The following PRKCB variants were observed in gnomAD, a reference collection of about 807,000 sequenced individuals.
PRKCB encodes protein kinase C beta.
Under a neutral mutation model 81.5 loss-of-function variants are expected in PRKCB, and 13 were observed. The ratio of observed to expected loss-of-function variants is 0.16; its 90% CI spans 0.10 to 0.25. PRKCB has a LOEUF of 0.25. Among genes scored for constraint, PRKCB ranks in the 10% least tolerant of loss-of-function variants. The pLI is 1.00. For synonymous variants in PRKCB, 335 were observed against 321.4 expected, an observed-to-expected ratio of 1.04 and a Z score of -0.45; for missense variants, 509 against 875.7, an observed-to-expected ratio of 0.58 and a Z score of 5.29.
intron 2 of PRKCB, among the ~76,000 whole-genome samples, chr16:23,897,071 G>A (rs1284986686): frequency 6.6e-6 from 1 of 152,160 alleles, no homozygotes; most frequent in Non-Finnish European, 1.5e-5. Flanking sequence ...CAGACCCTGT[G>A]CCAGGTGTTG....
intron 9 of PRKCB, among the ~76,000 whole-genome samples, chr16:24,124,269 G>C (rs1212260570): frequency 1.3e-5 from 2 of 152,164 alleles, no homozygotes; most frequent in Admixed American, 1.3e-4. Context: ...TCTCAGAAGA[G>C]AGCAAGTGCA....
At chr16:23,872,540 A>C (rs1962922094) in intron 2 of PRKCB, among the ~76,000 whole-genome samples, 1 of 152,094 alleles carries the variant, frequency 6.6e-6, no homozygotes, top group Non-Finnish European at 1.5e-5. Context: ...AGAAAAAATT[A>C]ATAAATAAAA....
chr16:23,882,562 A>G (rs993652638), intron 2 of PRKCB, among the ~76,000 whole-genome samples: 1 of 152,120 alleles, frequency 6.6e-6, no homozygotes, highest in East Asian at 1.9e-4. Flanking sequence ...CACTTAGTGT[A>G]ATGCCCTCAG....
chr16:24,115,211 A>G (rs1312712213), intron 8 of PRKCB, among the ~76,000 whole-genome samples: 1 of 148,000 alleles, frequency 6.8e-6, no homozygotes, highest in Non-Finnish European at 1.5e-5. Context: ...ATTTATCCCA[A>G]GAGTATTTAT....
chr16:24,215,393 A>G lies in PRKCB; in HGVS notation c.*577A>G, dbSNP rs1968210277. The G allele has an allele frequency of 6.1e-6, 6 of 985,992 alleles. No individual in the cohort carries two copies. The highest frequency in any genetic ancestry group is 7.2e-6 in the Non-Finnish European group (6 of 830,142). 61.1% of individuals were successfully genotyped at this position (985,992 alleles called of 1,614,324 possible). ...TAAAATTCCAAGAATGTGCTTTTAG[A>G]CGGTCTCAATCTAAAAGCACTTCAA... On this transcript the variant is annotated 3_prime_UTR_variant, in exon 17 of 17. Coordinates refer to ENST00000643927, the MANE Select transcript of PRKCB (RefSeq NM_002738.7).
rs1964660134 is a variant in PRKCB at position 23,979,026 on chromosome 16, A to G, written c.206-9482A>G. Among the ~76,000 whole-genome samples the G allele has an allele frequency of 1.3e-5, 2 of 152,234 alleles. 1 individual carries two copies. Among genetic ancestry groups the G allele is most frequent in the South Asian group, 4.1e-4 (2 of 4,836 alleles). Reference sequence around the variant, plus strand: ...GAAGGTGATTTTTCCAGGAGTGTACAGGCCGCATGGGGTGAGCAGAAGTAG... The same window carrying G: ...GAAGGTGATTTTTCCAGGAGTGTACGGGCCGCATGGGGTGAGCAGAAGTAG... On this transcript the variant is annotated intron_variant, in intron 2 of 16. Coordinates refer to ENST00000643927, the MANE Select transcript of PRKCB (RefSeq NM_002738.7).
At chr16:24,008,271 G>A (rs1487356011) in intron 3 of PRKCB, among the ~76,000 whole-genome samples, 1 of 152,206 alleles carries the variant, frequency 6.6e-6, no homozygotes, top group Non-Finnish European at 1.5e-5. Flanking sequence ...TCAACCCTGT[G>A]TACCTGCACA....
intron 2 of PRKCB, among the ~76,000 whole-genome samples, chr16:23,891,479 G>C (rs939014434): frequency 6.6e-6 from 1 of 152,112 alleles, no homozygotes; most frequent in Non-Finnish European, 1.5e-5. Context: ...TTGAGAGTGA[G>C]TAAACAAATA....
At chr16:24,073,867 G>A (rs901640139) in intron 5 of PRKCB, among the ~76,000 whole-genome samples, 12 of 152,138 alleles carry the variant, frequency 7.9e-5, no homozygotes, top group Non-Finnish European at 1.8e-4. Flanking sequence ...TGATGGCCGG[G>A]CGTGGTGGCT....
At chr16:23,959,668 A>G (rs1384316946) in intron 2 of PRKCB, among the ~76,000 whole-genome samples, 1 of 152,202 alleles carries the variant, frequency 6.6e-6, no homozygotes, top group African/African-American at 2.4e-5. Context: ...TACTGCCTCA[A>G]ATGAGCAGCC....
chr16:24,025,210 AG>A (rs1362305829), intron 3 of PRKCB, among the ~76,000 whole-genome samples: 2 of 152,202 alleles, frequency 1.3e-5, no homozygotes, highest in African/African-American at 4.8e-5. Context: ...TTTATGGTGC[AG>A]GGGTTTGCAG....
intron 2 of PRKCB, among the ~76,000 whole-genome samples, chr16:23,883,629 G>C (rs1162683693): frequency 6.6e-6 from 1 of 152,206 alleles, no homozygotes; most frequent in Non-Finnish European, 1.5e-5. Context: ...ATTTCTAGGT[G>C]AGAGATGGTG....
At chr16:23,958,694 TCTCCTC>T (rs67351529) in intron 2 of PRKCB, among the ~76,000 whole-genome samples, 3 of 149,802 alleles carry the variant, frequency 2.0e-5, no homozygotes, top group Non-Finnish European at 4.4e-5. Flanking sequence ...TTCTTCTTCT[TCTCCTC>T]CTCCTCTTCT....
intron 2 of PRKCB, among the ~76,000 whole-genome samples, chr16:23,877,692 T>G (rs1025710435): frequency 3.3e-5 from 5 of 152,204 alleles, no homozygotes; most frequent in Admixed American, 2.6e-4. Context: ...TTCATTTCAG[T>G]CTTTAAGCTA....
intron 5 of PRKCB, among the ~76,000 whole-genome samples, chr16:24,061,027 T>C (rs983094849): frequency 1.2e-4 from 18 of 152,214 alleles, no homozygotes; most frequent in African/African-American, 4.3e-4. Flanking sequence ...TGTGTCACCA[T>C]GTCTAGGTAC....
intron 2 of PRKCB, among the ~76,000 whole-genome samples, chr16:23,958,599 A>G (rs1331083069): frequency 2.0e-5 from 3 of 151,998 alleles, no homozygotes; most frequent in Non-Finnish European, 4.4e-5. Flanking sequence ...CACTGCGCCC[A>G]GCCTCTTTTT....
chr16:24,214,988 T>C lies in PRKCB; in HGVS notation c.*172T>C. On this transcript the variant is annotated 3_prime_UTR_variant, in exon 17 of 17. Transcript: ENST00000643927. Reference sequence around the variant, plus strand: ...CCTCAGGTAGTTTGGAGCATCTCTATGAGATGGGATTATGCAGATGGCCTA... The same window carrying C: ...CCTCAGGTAGTTTGGAGCATCTCTACGAGATGGGATTATGCAGATGGCCTA... 1 of 1,437,984 alleles carries C rather than the reference T, an allele frequency of 7.0e-7. No individual in the cohort carries two copies. The highest frequency in any genetic ancestry group is 9.1e-7 in the Non-Finnish European group (1 of 1,100,228). The allele number at this position is 1,437,984 out of a possible 1,614,324, so 89.1% of individuals were successfully genotyped here. A position where few individuals can be genotyped will look rare whatever the true frequency, so the allele number is the denominator to read the frequency against.
chr16:24,012,892 A>G (rs1327502398), intron 3 of PRKCB, among the ~76,000 whole-genome samples: 2 of 152,202 alleles, frequency 1.3e-5, no homozygotes, highest in African/African-American at 4.8e-5. Flanking sequence ...AGGCATTTGC[A>G]CATACTTCTC....
chr16:24,039,216 C>CT (rs1294396052), intron 5 of PRKCB, among the ~76,000 whole-genome samples: 3 of 151,926 alleles, frequency 2.0e-5, no homozygotes, highest in Admixed American at 6.6e-5. Context: ...AAATAAATGT[C>CT]TTTTTTTCTT....
Sources: gnomAD v4.1 joint callset for allele counts (sites outside exome capture counted in the v4.1 genomes callset) on GRCh38, gnomAD v4.1.1 for gene constraint, MANE v1.5 for transcripts, NCBI Gene and HGNC (gene_info 2026-07-23, HGNC 2026-07-21) for gene names.